RNF144A: variants seen among roughly 807,000 people sequenced by gnomAD.
RNF144A encodes the protein E3 ubiquitin-protein ligase RNF144A.
In RNF144A, 11 loss-of-function variants were observed where a neutral mutation model predicts 38.7. The ratio of observed to expected loss-of-function variants is 0.28; its 90% CI spans 0.18 to 0.47. RNF144A has a LOEUF of 0.47. Among genes scored for constraint, RNF144A ranks in the 20% least tolerant of loss-of-function variants. The probability of loss-of-function intolerance (pLI) is 0.99; values close to 1 mark genes in which losing one functional copy is unlikely to be tolerated. For synonymous variants in RNF144A, 149 were observed against 143.9 expected, an observed-to-expected ratio of 1.04 and a Z score of -0.25; for missense variants, 316 against 377.2, an observed-to-expected ratio of 0.84 and a Z score of 1.34.
chr2:6,979,308 C>G (rs1284960131), intron 2 of RNF144A, among the ~76,000 whole-genome samples: 3 of 152,062 alleles, frequency 2.0e-5, no homozygotes, highest in Admixed American at 1.3e-4. Flanking sequence ...ATTTTTTTTC[C>G]TGGTTATTAG....
chr2:7,054,731 T>C (rs764685852), intron 6 of RNF144A, among the ~76,000 whole-genome samples: 2 of 152,178 alleles, frequency 1.3e-5, no homozygotes, highest in Non-Finnish European at 2.9e-5. Context: ...GGCAGAGAGC[T>C]GTCCTCACCA....
intron 3 of RNF144A, among the ~76,000 whole-genome samples, chr2:7,010,143 G>A (rs867938333): frequency 3.3e-4 from 51 of 152,316 alleles, no homozygotes; most frequent in African/African-American, 1.2e-3. Flanking sequence ...GAGCGTGTAA[G>A]CAATATTCCG....
chr2:6,924,679 G>T (rs149604795), intron 1 of RNF144A, among the ~76,000 whole-genome samples: 1 of 152,236 alleles, frequency 6.6e-6, no homozygotes, highest in African/African-American at 2.4e-5. Context: ...GGATGCTTTC[G>T]CCAGTGCCTT....
Position 7,020,438 on chromosome 2 carries a change from A to C in RNF144A, c.302-35A>C, listed in dbSNP as rs764510095. On this transcript the variant is annotated intron_variant, in intron 5 of 8. Transcript: ENST00000320892. Reference sequence around the variant, plus strand: ...TGAAGCCCACATGACCCTCTGGCTTAAGTTTGATTTGTCCATTTTGTCTCA... The same window carrying C: ...TGAAGCCCACATGACCCTCTGGCTTCAGTTTGATTTGTCCATTTTGTCTCA... 8.8e-6 allele frequency: 14 copies of C among 1,589,140 alleles called. No homozygotes were observed. The African/African-American group carries it at 1.6e-4, about 18-fold the overall frequency.
intron 6 of RNF144A, among the ~76,000 whole-genome samples, chr2:7,052,083 T>A (rs1373512647): frequency 6.6e-6 from 1 of 152,190 alleles, no homozygotes; most frequent in African/African-American, 2.4e-5. Flanking sequence ...CCTCTGTAGC[T>A]GTGCCCTGGA....
chr2:6,972,833 G>A (rs1225634565), intron 2 of RNF144A, among the ~76,000 whole-genome samples: 4 of 152,212 alleles, frequency 2.6e-5, no homozygotes, highest in Admixed American at 2.6e-4. Flanking sequence ...GCAGGGAAGA[G>A]TTTAATTCTT....
chr2:7,032,535 C>T (rs184172866), intron 8 of RNF144A, among the ~76,000 whole-genome samples: 321 of 152,386 alleles, frequency 2.1e-3, no homozygotes, highest in Non-Finnish European at 3.9e-3. Flanking sequence ...AGGAGAGTCC[C>T]TCCGGCCTTG....
At chr2:7,019,319 C>T (rs931273968) in intron 5 of RNF144A, among the ~76,000 whole-genome samples, 4 of 152,316 alleles carry the variant, frequency 2.6e-5, no homozygotes, top group Non-Finnish European at 4.4e-5. Flanking sequence ...CTGCTGGTCC[C>T]GTGGCAATGC....
At chr2:7,063,023 C>T (rs1309257418) in intron 6 of RNF144A, 1 of 152,206 alleles carries the variant, frequency 6.6e-6, no homozygotes, top group East Asian at 1.9e-4. Context: ...AGAGGCTAAG[C>T]TTTAGGCAGG....
intron 8 of RNF144A, 145 bp from the exon 9 acceptor site, chr2:7,039,484 A>G (rs1672908585): frequency 1.4e-6 from 2 of 1,408,848 alleles, no homozygotes; most frequent in Non-Finnish European, 1.9e-6. Context: ...TGATGACTAG[A>G]TGGGTAGATG....
the RNF144A span, among the ~76,000 whole-genome samples, chr2:7,075,619 T>C: frequency 5.3e-5 from 8 of 152,198 alleles, no homozygotes; most frequent in Non-Finnish European, 1.0e-4. Context: ...TGCCGTGTCA[T>C]GACAAAGCAG....
chr2:7,019,329 C>T (rs1047140964), intron 5 of RNF144A, among the ~76,000 whole-genome samples: 2 of 152,164 alleles, frequency 1.3e-5, no homozygotes, highest in East Asian at 1.9e-4. Context: ...CGTGGCAATG[C>T]GTGTAGGTGA....
At chr2:6,955,001 A>G (rs1028739965) in intron 2 of RNF144A, among the ~76,000 whole-genome samples, 13 of 151,990 alleles carry the variant, frequency 8.6e-5, no homozygotes, top group African/African-American at 2.4e-4. Context: ...TCTTTGACCT[A>G]TTTTTTTCTG....
chr2:6,921,489 G>A (rs1212372373), intron 1 of RNF144A, among the ~76,000 whole-genome samples: 1 of 152,234 alleles, frequency 6.6e-6, no homozygotes, highest in Non-Finnish European at 1.5e-5. Flanking sequence ...ACAGGCGTAT[G>A]TTGCTATCCC....
intron 6 of RNF144A, among the ~76,000 whole-genome samples, chr2:7,054,150 A>C (rs778997311): frequency 5.4e-5 from 8 of 147,304 alleles, no homozygotes; most frequent in Admixed American, 1.4e-4. Flanking sequence ...TGGCCAGCTC[A>C]AGCAGCTGAG....
intron 8 of RNF144A, among the ~76,000 whole-genome samples, chr2:7,031,080 C>G (rs1374507787): frequency 4.6e-5 from 7 of 152,098 alleles, no homozygotes; most frequent in Admixed American, 3.9e-4. Flanking sequence ...TGAAGGTTTG[C>G]TCGTTTGCTT....
intron 3 of RNF144A, among the ~76,000 whole-genome samples, chr2:7,014,054 C>G (rs982881511): frequency 1.3e-5 from 2 of 152,216 alleles, no homozygotes; most frequent in African/African-American, 4.8e-5. Context: ...TAAAAATGCT[C>G]TAAGGCTTCA....
At chr2:7,015,222 G>A (rs937849789) in intron 5 of RNF144A, among the ~76,000 whole-genome samples, 10 of 152,192 alleles carry the variant, frequency 6.6e-5, no homozygotes, top group African/African-American at 2.2e-4. Flanking sequence ...TAGGTGTCCT[G>A]TCTGCGCTTA....
rs528947584 is a variant in RNF144A, at chr2:7,043,278, A to C, written c.*3518A>C. ...CACAGGACCTGTGGGAGGGACTATC[A>C]GAGATGCAAAAATTACTTCAAGATG... On this transcript the variant is annotated 3_prime_UTR_variant, in exon 9 of 9. Transcript: ENST00000320892. 7 of 985,294 alleles carry C rather than the reference A, an allele frequency of 7.1e-6. No individual in the cohort carries two copies. In the East Asian group the frequency reaches 7.9e-4, roughly 112 times the overall value. 61.0% of individuals were successfully genotyped at this position (985,294 alleles called of 1,614,324 possible).
Sources: gnomAD v4.1 joint callset for allele counts (sites outside exome capture counted in the v4.1 genomes callset) on GRCh38, gnomAD v4.1.1 for gene constraint, MANE v1.5 for transcripts, NCBI Gene and HGNC (gene_info 2026-07-23, HGNC 2026-07-21) for gene names.